ADK: variants seen among roughly 807,000 people sequenced by gnomAD.
The protein encoded by ADK is N6,N6-dimethyladenosine kinase.
ADK carries 24 observed loss-of-function variants against 44.7 expected under a neutral mutation model. The observed-to-expected ratio is 0.54, with a 90% CI of 0.39 to 0.76. The LOEUF (loss-of-function observed/expected upper bound fraction) is 0.76. Among genes scored for constraint, ADK ranks in the 30% least tolerant of loss-of-function variants. The pLI is 0.00. For missense variants in ADK, 321 were observed against 425.1 expected (o/e 0.76, Z 2.15); for synonymous variants, 128 against 142.6 (o/e 0.90, Z 0.73).
chr10:74,274,944 G>T (rs1038295377), intron 3 of ADK, among the ~76,000 whole-genome samples: 1 of 151,430 alleles, frequency 6.6e-6, no homozygotes, highest in East Asian at 1.9e-4. Flanking sequence ...CAGTACAGAA[G>T]CTTATACACC....
intron 10 of ADK, among the ~76,000 whole-genome samples, chr10:74,681,227 G>A (rs980533745): frequency 2.0e-5 from 3 of 152,128 alleles, no homozygotes; most frequent in African/African-American, 7.2e-5. Context: ...GTTTCCAGTA[G>A]TGAAACTCTT....
chr10:74,383,436 C>G (rs960788646), intron 4 of ADK, among the ~76,000 whole-genome samples: 1 of 152,076 alleles, frequency 6.6e-6, no homozygotes, highest in Admixed American at 6.5e-5. Context: ...CTTTCTCGGC[C>G]TCTCTGCCAT....
intron 4 of ADK, among the ~76,000 whole-genome samples, chr10:74,371,161 T>C (rs1842645565): frequency 6.6e-6 from 1 of 152,178 alleles, no homozygotes; most frequent in Admixed American, 6.5e-5. Context: ...GTTGGAAACA[T>C]GTTAGAAAAA....
chr10:74,634,831 G>T (rs949020357), intron 9 of ADK, among the ~76,000 whole-genome samples: 1 of 152,078 alleles, frequency 6.6e-6, no homozygotes, highest in East Asian at 1.9e-4. Context: ...TATAGTCCCA[G>T]CTACTTGGTA....
chr10:74,571,205 G>C (rs1277039865), intron 7 of ADK, among the ~76,000 whole-genome samples: 1 of 150,354 alleles, frequency 6.7e-6, no homozygotes, highest in Non-Finnish European at 1.5e-5. Context: ...TTTTATTGAG[G>C]ATTTTTGCAT....
rs572975994 is a variant in ADK at position 74,456,191 on chromosome 10, A to G, written c.555+57612A>G. On this transcript the variant is annotated intron_variant, in intron 6 of 10. Coordinates refer to ENST00000539909, the MANE Select transcript of ADK (RefSeq NM_006721.4). ...ACTCAGCTCTGGACCAAGCAGATCT[A>G]ATAGACATCTACAGAACTCTCCACC... Among the ~76,000 whole-genome samples, 17 of 152,298 alleles carry G rather than the reference A, an allele frequency of 1.1e-4. No individual in the cohort carries two copies. The East Asian group carries it at 1.9e-3, about 17-fold the overall frequency.
At chr10:74,310,460 C>G (rs1840395793) in intron 3 of ADK, among the ~76,000 whole-genome samples, 1 of 152,132 alleles carries the variant, frequency 6.6e-6, no homozygotes, top group Non-Finnish European at 1.5e-5. Context: ...GTTATCCAAA[C>G]TAGCAACCTC....
At chr10:74,208,980 G>A (rs575619473) in intron 2 of ADK, among the ~76,000 whole-genome samples, 140 of 152,174 alleles carry the variant, frequency 9.2e-4, no homozygotes, top group African/African-American at 3.2e-3. Context: ...CTGGTGATCT[G>A]CCCACCTCGG....
chr10:74,203,501 T>C (rs1221455283), intron 2 of ADK, among the ~76,000 whole-genome samples: 1 of 151,944 alleles, frequency 6.6e-6, no homozygotes, highest in Non-Finnish European at 1.5e-5. Context: ...TGAGACTATA[T>C]GCAGGTACCA....
intron 3 of ADK, among the ~76,000 whole-genome samples, chr10:74,232,392 C>T (rs1158173571): frequency 1.3e-5 from 2 of 151,910 alleles, no homozygotes; most frequent in South Asian, 2.1e-4. Flanking sequence ...CATGGTGGCA[C>T]TCACCTGCAG....
intron 1 of ADK, among the ~76,000 whole-genome samples, chr10:74,155,828 G>A (rs553516652): frequency 5.3e-5 from 8 of 152,102 alleles, no homozygotes; most frequent in Non-Finnish European, 1.2e-4. Flanking sequence ...CACCGTGCCC[G>A]GCGACCCTAT....
intron 10 of ADK, among the ~76,000 whole-genome samples, chr10:74,680,177 T>C (rs1194568630): frequency 6.6e-6 from 1 of 151,376 alleles, no homozygotes; most frequent in East Asian, 2.0e-4. Context: ...TAGCTGAGTG[T>C]GGTGGCAGAC....
chr10:74,585,495 G>A (rs118102566), intron 7 of ADK, among the ~76,000 whole-genome samples: 157 of 152,288 alleles, frequency 1.0e-3, no homozygotes, highest in East Asian at 6.0e-3. Flanking sequence ...GTGAAATCCA[G>A]CCTTCTCAGA....
At position 74,346,088 on chromosome 10, in the gene ADK, C is replaced by T. The variant is rs559991039; in HGVS notation, c.273+31343C>T. Among the ~76,000 whole-genome samples, 13 of 152,300 alleles carry T rather than the reference C, an allele frequency of 8.5e-5. No individual in the cohort carries two copies. In the South Asian group the frequency reaches 1.0e-3, roughly 12 times the overall value. ...TGTATTTTTAGTAGAGATGGGGTTTCGCCCTGTTGGGCAAGCTGGTCTCAA... is the reference window on the plus strand; with the variant it reads ...TGTATTTTTAGTAGAGATGGGGTTTTGCCCTGTTGGGCAAGCTGGTCTCAA... On this transcript the variant is annotated intron_variant, in intron 4 of 10. Coordinates refer to ENST00000539909, the MANE Select transcript of ADK (RefSeq NM_006721.4).
At chr10:74,344,410 GT>G (rs1343661666) in intron 4 of ADK, 2 of 155,176 alleles carry the variant, frequency 1.3e-5, no homozygotes, top group African/African-American at 4.8e-5. Flanking sequence ...ATAATCACTG[GT>G]TTCTCCAGTG....
chr10:74,611,126 C>CG (rs1177828579), intron 9 of ADK, among the ~76,000 whole-genome samples: 1 of 152,044 alleles, frequency 6.6e-6, no homozygotes, highest in African/African-American at 2.4e-5. Flanking sequence ...CGGGCTCAAG[C>CG]GATCCTCCCT....
chr10:74,633,701 A>G (rs1411317061), intron 9 of ADK, among the ~76,000 whole-genome samples: 1 of 152,154 alleles, frequency 6.6e-6, no homozygotes, highest in Non-Finnish European at 1.5e-5. Flanking sequence ...TACAAAACCA[A>G]CTACCTGGAG....
intron 9 of ADK, among the ~76,000 whole-genome samples, chr10:74,622,921 CGT>C (rs1236987859): frequency 6.6e-6 from 1 of 152,028 alleles, no homozygotes; most frequent in Non-Finnish European, 1.5e-5. Flanking sequence ...GCAGGAGAAT[CGT>C]TAGAACCCGG....
chr10:74,335,632 C>CATGCCATTTCACATTCCCACTAGGAA (rs1841380677), intron 4 of ADK, among the ~76,000 whole-genome samples: 1 of 152,172 alleles, frequency 6.6e-6, no homozygotes, highest in Admixed American at 6.5e-5. Flanking sequence ...TCCAAAGTGG[C>CATGCCATTTCACATTCCCACTAGGAA]TGTGCCATTT....
Sources: gnomAD v4.1 joint callset for allele counts (sites outside exome capture counted in the v4.1 genomes callset) on GRCh38, gnomAD v4.1.1 for gene constraint, MANE v1.5 for transcripts, NCBI Gene and HGNC (gene_info 2026-07-23, HGNC 2026-07-21) for gene names.